The following NR4A3 variants were observed in gnomAD, a reference collection of about 807,000 sequenced individuals.
NR4A3 encodes chondrosarcoma, extraskeletal myxoid, fused to EWS.
A neutral mutation model predicts 55.6 loss-of-function variants in NR4A3; 13 were observed. The observed-to-expected ratio is 0.23, with a 90% CI of 0.15 to 0.37. NR4A3 has a LOEUF of 0.37. Among genes scored for constraint, NR4A3 ranks in the 10% least tolerant of loss-of-function variants. The pLI is 1.00. For synonymous variants in NR4A3, 342 were observed against 357.9 expected (o/e 0.96, Z 0.50); for missense variants, 646 against 822.8 (o/e 0.79, Z 2.63).
chr9:99,835,490 C>T (rs375201700), intron 5 of NR4A3, among the ~76,000 whole-genome samples: 221 of 152,308 alleles, frequency 1.5e-3, no homozygotes, highest in African/African-American at 4.6e-3. Context: ...GTTCTCCTCC[C>T]AGAAGCACCC....
intron 7 of NR4A3, among the ~76,000 whole-genome samples, chr9:99,862,460 G>A (rs1430670045): frequency 5.4e-5 from 8 of 148,278 alleles, no homozygotes; most frequent in African/African-American, 1.5e-4. Context: ...CAGGAGAATC[G>A]CTTGAATCGG....
rs1220708629 is a variant in NR4A3 at position 99,828,777 on chromosome 9, GCCGCTGGCCAAGAGGGCGGCC to G, written c.745_765del (p.Lys249_Ala255del). The G allele has an allele frequency of 6.2e-6, 9 of 1,449,630 alleles. No individual in the cohort carries two copies. The highest frequency in any genetic ancestry group is 7.2e-6 in the Non-Finnish European group (8 of 1,103,902). 89.8% of individuals were successfully genotyped at this position (1,449,630 alleles called of 1,614,324 possible). A position where few individuals can be genotyped will look rare whatever the true frequency, so the allele number is the denominator to read the frequency against. On this transcript the variant is annotated inframe_deletion, in exon 3 of 8. Coordinates refer to ENST00000395097, the MANE Select transcript of NR4A3 (RefSeq NM_006981.4). This position sits in a 1 kb window ranked among gnomAD's most constrained non-coding sequence, Gnocchi z 7.7. ...CGCTTGAGAGCCACCCGTACGGGCT[GCCGCTGGCCAAGAGGGCGGCC>G]CCGCTGGCCTTCCCGCCTCTCGGCC... is the stretch of plus-strand genomic sequence containing the variant.
intron 5 of NR4A3, among the ~76,000 whole-genome samples, chr9:99,837,892 C>A (rs1032051287): frequency 6.6e-6 from 1 of 152,166 alleles, no homozygotes; most frequent in East Asian, 1.9e-4. Flanking sequence ...CAGTTTTCTC[C>A]ATTTGTGGGA....
At chr9:99,847,802 A>G (rs1378778881) in intron 7 of NR4A3, among the ~76,000 whole-genome samples, 187 bp downstream of exon 7, 1 of 152,254 alleles carries the variant, frequency 6.6e-6, no homozygotes, top group African/African-American at 2.4e-5. Flanking sequence ...ATAAACTTCT[A>G]GTAAAGAGGA....
At chr9:99,833,961 T>C in intron 5 of NR4A3, 1 of 1,157,334 alleles carries the variant, frequency 8.6e-7, no homozygotes, top group South Asian at 2.5e-5. Flanking sequence ...AGAACTGGGA[T>C]GGAACGCCAC....
intron 5 of NR4A3, among the ~76,000 whole-genome samples, chr9:99,839,562 T>C (rs958899424): frequency 6.6e-6 from 1 of 152,220 alleles, no homozygotes; most frequent in African/African-American, 2.4e-5. Flanking sequence ...TACTGCCATA[T>C]GAAACACACA....
chr9:99,857,271 A>G (rs1292269594), intron 7 of NR4A3, among the ~76,000 whole-genome samples: 1 of 152,200 alleles, frequency 6.6e-6, no homozygotes, highest in Non-Finnish European at 1.5e-5. Flanking sequence ...TCATTAATAG[A>G]CAAGCTTAGA....
chr9:99,827,358 C>T (rs1028056422), intron 2 of NR4A3, among the ~76,000 whole-genome samples: 22 of 151,954 alleles, frequency 1.4e-4, no homozygotes, highest in African/African-American at 5.1e-4. Flanking sequence ...ATGGTACAAA[C>T]TCTCCCGAGT....
intron 7 of NR4A3, among the ~76,000 whole-genome samples, chr9:99,860,931 C>T (rs1827998864): frequency 6.6e-6 from 1 of 152,214 alleles, no homozygotes; most frequent in South Asian, 2.1e-4. Context: ...GTTTTATTAT[C>T]ATTGTACTTT....
chr9:99,848,969 C>T (rs1239537091), intron 7 of NR4A3, among the ~76,000 whole-genome samples: 1 of 152,208 alleles, frequency 6.6e-6, no homozygotes, highest in Non-Finnish European at 1.5e-5. Context: ...TGGTCAGACA[C>T]AAGCACAGGC....
chr9:99,864,220 G>T lies in NR4A3; in HGVS notation c.*353G>T. 3.8e-6 allele frequency: 1 copy of T among 264,192 alleles called. No homozygotes were observed. Among genetic ancestry groups the T allele is most frequent in the Non-Finnish European group, 7.4e-6 (1 of 135,874 alleles). 16.4% of individuals were successfully genotyped at this position (264,192 alleles called of 1,614,324 possible). A position where few individuals can be genotyped will look rare whatever the true frequency, so the allele number is the denominator to read the frequency against. ...ATAACTGTTTTAAAACTCTTTCTGG[G>T]GAATCCAATTATAGTTGCTTTGTAT... On this transcript the variant is annotated 3_prime_UTR_variant, in exon 8 of 8. Coordinates refer to ENST00000395097, the MANE Select transcript of NR4A3 (RefSeq NM_006981.4).
intron 5 of NR4A3, chr9:99,833,764 A>G: frequency 1.4e-6 from 2 of 1,386,910 alleles, no homozygotes; most frequent in Non-Finnish European, 1.9e-6. Context: ...TTGTAGATTT[A>G]TCTCGTGATC....
chr9:99,828,570 G>A lies in NR4A3; in HGVS notation c.528G>A (p.Pro176=). The A allele has an allele frequency of 1.3e-6, 2 of 1,568,942 alleles. No individual in the cohort carries two copies. Among genetic ancestry groups the A allele is most frequent in the South Asian group, 1.2e-5 (1 of 86,942 alleles). ...CACCCGGCCCGCTGCTGGACCCGCC[G>A]ATGAAGGCGGTCCCCACGGTGGCCG... ...CIAPGPLLDP[P]MKAVPTVAGA... The change falls in exon 3 of 8, where the codon CCG becomes CCA. Residue 176 remains proline (P), a synonymous_variant. Coordinates refer to ENST00000395097, the MANE Select transcript of NR4A3 (RefSeq NM_006981.4). This position sits in a 1 kb window ranked among gnomAD's most constrained non-coding sequence, Gnocchi z 7.7.
At chr9:99,831,810 T>G (rs1201388486) in intron 3 of NR4A3, among the ~76,000 whole-genome samples, 2 of 152,236 alleles carry the variant, frequency 1.3e-5, no homozygotes, top group Non-Finnish European at 2.9e-5. Context: ...TGTTTATTTC[T>G]CCATGTGTCA....
At chr9:99,826,740 C>G in intron 2 of NR4A3, 2 of 1,612,386 alleles carry the variant, frequency 1.2e-6, no homozygotes, top group Non-Finnish European at 1.7e-6. Context: ...GCCCTCATCA[C>G]CTTTTTTCAA....
intron 1 of NR4A3, among the ~76,000 whole-genome samples, chr9:99,824,309 C>T (rs185930188): frequency 2.7e-4 from 41 of 152,288 alleles, no homozygotes; most frequent in Middle Eastern, 3.4e-3. Context: ...GGCCTCCTCT[C>T]AGAGAACGAC....
In NR4A3 at chr9:99,864,645, T is replaced by C. The variant is rs1056397091; in HGVS notation, c.*778T>C. On this transcript the variant is annotated 3_prime_UTR_variant, in exon 8 of 8. Coordinates refer to ENST00000395097, the MANE Select transcript of NR4A3 (RefSeq NM_006981.4). ...CTGAGGTATGGCCCATCCAAGACTT[T>C]TAGGCCATTCTTGATGGAACCAGAT... The C allele has an allele frequency of 8.8e-6, 2 of 228,490 alleles. No individual in the cohort carries two copies. Among genetic ancestry groups the C allele is most frequent in the Non-Finnish European group, 1.7e-5 (2 of 114,834 alleles). 14.2% of individuals were successfully genotyped at this position (228,490 alleles called of 1,614,324 possible).
intron 7 of NR4A3, among the ~76,000 whole-genome samples, chr9:99,860,556 A>C (rs1827994737): frequency 6.6e-6 from 1 of 152,220 alleles, no homozygotes; most frequent in Non-Finnish European, 1.5e-5. Flanking sequence ...GGAGAAAATA[A>C]AACTTTAGGC....
intron 7 of NR4A3, among the ~76,000 whole-genome samples, chr9:99,848,913 T>G (rs997309071): frequency 2.6e-5 from 4 of 151,934 alleles, no homozygotes; most frequent in Non-Finnish European, 4.4e-5. Flanking sequence ...TGACAGAGGG[T>G]GGGGGCTCCA....
Sources: gnomAD v4.1 joint callset for allele counts (sites outside exome capture counted in the v4.1 genomes callset) on GRCh38, gnomAD v4.1.1 for gene constraint, Gnocchi (gnomAD v3.1) non-coding constraint, MANE v1.5 for transcripts, NCBI Gene and HGNC (gene_info 2026-07-23, HGNC 2026-07-21) for gene names.